CDH22: variants seen among roughly 807,000 people sequenced by gnomAD.
CDH22 encodes the protein cadherin 22.
Under a neutral mutation model 58.4 loss-of-function variants are expected in CDH22, and 30 were observed. The observed-to-expected ratio is 0.51, with a 90% confidence interval of 0.38 to 0.70. CDH22 has a LOEUF of 0.70. CDH22 is among the 30% of genes least tolerant of loss of function. CDH22 has a pLI of 0.00. For missense variants in CDH22, 1,014 were observed against 1,233.9 expected (o/e 0.82, Z 2.67); for synonymous variants, 513 against 558.2 (o/e 0.92, Z 1.14).
rs140131537 is a variant in CDH22 at position 46,176,850 on chromosome 20, C to T, written c.1915+1096G>A. Among the ~76,000 whole-genome samples, 1,047 of 152,336 alleles carry T rather than the reference C, an allele frequency of 6.9e-3. 7 individuals carry two copies. The highest frequency in any genetic ancestry group is 0.011 in the Non-Finnish European group (746 of 68,026). ...AGCAGATGGTGAGGTTTGCGGGTGGCGGGCGACAGATGTGCCAGGCCTGAT... is the reference window on the plus strand; with the variant it reads ...AGCAGATGGTGAGGTTTGCGGGTGGTGGGCGACAGATGTGCCAGGCCTGAT... On this transcript the variant is annotated intron_variant, in intron 11 of 11. Transcript: ENST00000537909.
intron 1 of CDH22, among the ~76,000 whole-genome samples, chr20:46,279,275 T>C (rs1212218211): frequency 6.6e-6 from 1 of 152,196 alleles, no homozygotes; most frequent in East Asian, 1.9e-4. Flanking sequence ...AAAAAACTCA[T>C]GACTCAGGAG....
chr20:46,252,245 C>T (rs1169008898), intron 1 of CDH22, among the ~76,000 whole-genome samples: 1 of 152,202 alleles, frequency 6.6e-6, no homozygotes, highest in East Asian at 1.9e-4. Flanking sequence ...TGTGCTCGTA[C>T]CCCCACACCA....
chr20:46,234,772 A>G (rs2086242208), intron 3 of CDH22, among the ~76,000 whole-genome samples: 1 of 152,240 alleles, frequency 6.6e-6, no homozygotes, highest in Admixed American at 6.5e-5. Flanking sequence ...CCTTCTCAAT[A>G]CAGCCCAACA....
At position 46,289,684 on chromosome 20, in the gene CDH22, C is replaced by T. The variant is rs899358761; in HGVS notation, c.-400+18571G>A. Among the ~76,000 whole-genome samples, 3 of 152,018 alleles carry T rather than the reference C, an allele frequency of 2.0e-5. No individual in the cohort carries two copies. In the East Asian group the frequency reaches 5.8e-4, roughly 29 times the overall value. On this transcript the variant is annotated intron_variant, in intron 1 of 11. Transcript: ENST00000537909. The stretch of plus-strand genomic sequence containing the variant: ...AATAATAGAATTTCCAGATGGATTG[C>T]CTGGGGCGATATGAGGGAGGGATTA...
intron 7 of CDH22, among the ~76,000 whole-genome samples, chr20:46,201,752 C>T (rs922352600): frequency 6.6e-6 from 1 of 152,138 alleles, no homozygotes; most frequent in African/African-American, 2.4e-5. Flanking sequence ...CCATACTGTT[C>T]CTAAACTGCT....
At chr20:46,276,746 G>A (rs3904163) in intron 1 of CDH22, among the ~76,000 whole-genome samples, 54,243 of 152,092 alleles carry the variant, frequency 0.36, 10,097 homozygotes, top group East Asian at 0.51. Flanking sequence ...GTTAGCAGTG[G>A]AGCTATCTGG....
intron 1 of CDH22, among the ~76,000 whole-genome samples, chr20:46,295,967 T>G (rs1158213973): frequency 6.6e-6 from 1 of 152,202 alleles, no homozygotes; most frequent in Non-Finnish European, 1.5e-5. Flanking sequence ...CTTGCTATGT[T>G]GCCCAGGCTT....
intron 4 of CDH22, among the ~76,000 whole-genome samples, chr20:46,224,401 G>C (rs1195923997): frequency 6.6e-6 from 1 of 152,120 alleles, no homozygotes; most frequent in Admixed American, 6.6e-5. Context: ...GAATCCTCAC[G>C]ACCATCAAGT....
chr20:46,236,692 TAGAGAGAGAG>T (rs74174558), intron 3 of CDH22, among the ~76,000 whole-genome samples: 1 of 144,102 alleles, frequency 6.9e-6, no homozygotes, highest in Admixed American at 7.1e-5. Context: ...TATATATACA[TAGAGAGAGAG>T]AGAGAGAGAA....
chr20:46,186,753 C>T (rs1349038175), intron 9 of CDH22, 48 bp from the exon 10 acceptor site: 2 of 1,603,998 alleles, frequency 1.2e-6, no homozygotes, highest in Non-Finnish European at 1.7e-6. Flanking sequence ...GCTGAGACCA[C>T]TCTGGGTCGA....
chr20:46,181,587 T>C (rs1488413093), intron 10 of CDH22, among the ~76,000 whole-genome samples: 1 of 149,832 alleles, frequency 6.7e-6, no homozygotes, highest in Admixed American at 6.6e-5. Flanking sequence ...TTTCCCTTCC[T>C]TCCCTTCCTT....
chr20:46,269,559 A>G (rs2086477470), intron 1 of CDH22, among the ~76,000 whole-genome samples: 1 of 152,190 alleles, frequency 6.6e-6, no homozygotes, highest in Non-Finnish European at 1.5e-5. Flanking sequence ...AAGTGCAGAG[A>G]AGTGACTTGT....
At position 46,251,574 on chromosome 20, in the gene CDH22, C is replaced by T; in HGVS notation, c.-280G>A. 3.8e-6 allele frequency: 1 copy of T among 263,074 alleles called. No homozygotes were observed. The highest frequency in any genetic ancestry group is 7.0e-6 in the Non-Finnish European group (1 of 141,922). 16.3% of individuals were successfully genotyped at this position (263,074 alleles called of 1,614,324 possible). Reference sequence around the variant, plus strand: ...CCGTCGCCGCGTCGCGTGCGGATCACCAGGCAGCACCTGGACAGCTCCAGA... The same window carrying T: ...CCGTCGCCGCGTCGCGTGCGGATCATCAGGCAGCACCTGGACAGCTCCAGA... On this transcript the variant is annotated 5_prime_UTR_variant, in exon 2 of 12. In the 5' UTR this introduces an upstream ATG that the reference lacks. Coordinates refer to ENST00000537909, the MANE Select transcript of CDH22 (RefSeq NM_021248.3). This position sits in a 1 kb window ranked among gnomAD's most constrained non-coding sequence, Gnocchi z 6.7.
In CDH22 at chr20:46,251,092, T is replaced by G. The variant is rs746975350; in HGVS notation, c.203A>C (p.Gln68Pro). 3.7e-6 allele frequency: 6 copies of G among 1,611,490 alleles called. No individual in the cohort carries two copies. The Admixed American group carries it at 5.0e-5, about 13-fold the overall frequency. ...GRVKRGWVWN[Q>P]FFVVEEYTGT... Reference sequence around the variant, plus strand: ...CGTGTACTCCTCTACCACGAAGAACTGGTTCCACACCCAGCCGCGTTTGAC... The same window carrying G: ...CGTGTACTCCTCTACCACGAAGAACGGGTTCCACACCCAGCCGCGTTTGAC... The change falls in exon 2 of 12, where the codon CAG (glutamine) becomes CCG (proline). Residue 68 changes from glutamine to proline, a missense_variant. Physicochemically the swap from Gln to Pro is moderately conservative, Grantham distance 76. Around this residue, in one of 2 missense-constraint regions of CDH22, gnomAD observed 806 missense variants for 1,038.7 expected, o/e 0.78. Coordinates refer to ENST00000537909, the MANE Select transcript of CDH22 (RefSeq NM_021248.3). The surrounding 1 kb of genome is among the most constrained non-coding windows in gnomAD (Gnocchi z 6.7).
In CDH22 at chr20:46,241,248, C is replaced by A; in HGVS notation, c.265G>T (p.Asp89Tyr). 1 of 1,601,048 alleles carries A rather than the reference C, an allele frequency of 6.2e-7. No individual in the cohort carries two copies. The highest frequency in any genetic ancestry group is 8.5e-7 in the Non-Finnish European group (1 of 1,171,444). ...EPLYVGKIHS[D>Y]SDEGDGAIKY... is the part of the protein sequence containing the mutation. Reference sequence around the variant, plus strand: ...ATGGCCCCGTCACCCTCGTCTGAGTCGGAGTGGATCTGGGTAGGCAGAGAA... The same window carrying A: ...ATGGCCCCGTCACCCTCGTCTGAGTAGGAGTGGATCTGGGTAGGCAGAGAA... Residue 89 changes from aspartate (D) to tyrosine (Y), a missense_variant, in exon 3 of 12, where the codon GAC becomes TAC. Asp to Tyr is a radical substitution (Grantham distance 160). Around this residue, in one of 2 missense-constraint regions of CDH22, gnomAD observed 806 missense variants for 1,038.7 expected, o/e 0.78. Transcript: ENST00000537909. This position sits in a 1 kb window ranked among gnomAD's most constrained non-coding sequence, Gnocchi z 5.2.
chr20:46,205,466 A>G (rs2085994944), intron 7 of CDH22, among the ~76,000 whole-genome samples: 1 of 152,116 alleles, frequency 6.6e-6, no homozygotes, highest in East Asian at 1.9e-4. Context: ...TGGGATTTGA[A>G]CCCAGGTCTC....
chr20:46,189,334 AACAG>A (rs1280235482), intron 8 of CDH22, among the ~76,000 whole-genome samples: 1 of 152,174 alleles, frequency 6.6e-6, no homozygotes, highest in Non-Finnish European at 1.5e-5. Flanking sequence ...GGAGAATTTC[AACAG>A]ACAGACGGTC....
intron 10 of CDH22, among the ~76,000 whole-genome samples, chr20:46,185,359 A>G (rs1159435624): frequency 2.0e-5 from 3 of 152,126 alleles, no homozygotes; most frequent in African/African-American, 7.2e-5. Context: ...CAGTGGACTC[A>G]GGCAGGGCAG....
chr20:46,175,584 G>T (rs1205240233), intron 11 of CDH22, among the ~76,000 whole-genome samples: 3 of 152,172 alleles, frequency 2.0e-5, no homozygotes, highest in African/African-American at 7.2e-5. Context: ...AGGCCTGCAG[G>T]AACCCTTCCC....
Sources: gnomAD v4.1 joint callset for allele counts (sites outside exome capture counted in the v4.1 genomes callset) on GRCh38, gnomAD v4.1.1 for gene constraint, gnomAD v4.1.1 regional missense constraint, Gnocchi (gnomAD v3.1) non-coding constraint, MANE v1.5 for transcripts, NCBI Gene and HGNC (gene_info 2026-07-23, HGNC 2026-07-21) for gene names.